Variants in ST3GAL3 observed in about 807,000 individuals in gnomAD.
The protein encoded by ST3GAL3 is ST3 beta-galactoside alpha-2,3-sialyltransferase 3.
ST3GAL3 carries 21 observed loss-of-function variants against 50.1 expected under a neutral mutation model. The observed-to-expected ratio is 0.42, with a 90% confidence interval of 0.30 to 0.60. The LOEUF (loss-of-function observed/expected upper bound fraction) is 0.60. ST3GAL3 is among the 20% of genes least tolerant of loss of function. The pLI is 0.19. For missense variants in ST3GAL3, 353 were observed against 489.4 expected (o/e 0.72, Z 2.63); for synonymous variants, 183 against 190.0 (o/e 0.96, Z 0.30).
chr1:43,719,908 G>A (rs868191782), intron 1 of ST3GAL3, among the ~76,000 whole-genome samples: 2 of 118,388 alleles, frequency 1.7e-5, no homozygotes, highest in Middle Eastern at 7.5e-3. Context: ...ATTCCAGCCT[G>A]AGCAACAGAG....
At chr1:43,925,422 T>C (rs866437491) in intron 11 of ST3GAL3, among the ~76,000 whole-genome samples, 15 of 151,878 alleles carry the variant, frequency 9.9e-5, no homozygotes, top group African/African-American at 2.7e-4. Context: ...ACCTACCTCC[T>C]AGGGTTTGGA....
At position 43,791,322 on chromosome 1, in the gene ST3GAL3, G is replaced by A. The variant is rs566386712; in HGVS notation, c.119-780G>A. ...AGACTGATAGCAGAAAGATCAATAA[G>A]GATAGAGACCATGCTTTTTCTGTTT... On this transcript the variant is annotated intron_variant, in intron 2 of 11. Coordinates refer to ENST00000347631, the MANE Select transcript of ST3GAL3 (RefSeq NM_006279.5). 6.4e-4 allele frequency among the ~76,000 whole-genome samples: 98 copies of A among 152,246 alleles called. 1 individual carries two copies. Among genetic ancestry groups the A allele is most frequent in the African/African-American group, 2.3e-3 (95 of 41,536 alleles).
rs1249489627 is a variant in ST3GAL3 at position 43,817,580 on chromosome 1, C to CT, written c.209+2648dup. Among the ~76,000 whole-genome samples the CT allele has an allele frequency of 8.1e-4, 13 of 16,088 alleles. 2 individuals are homozygous for CT. In the East Asian group the frequency reaches 0.014, roughly 17 times the overall value. The allele number at this position is 16,088 out of a possible 152,430, so 10.6% of individuals were successfully genotyped here. A position where few individuals can be genotyped will look rare whatever the true frequency, so the allele number is the denominator to read the frequency against. On this transcript the variant is annotated intron_variant, in intron 4 of 11. Coordinates refer to ENST00000347631, the MANE Select transcript of ST3GAL3 (RefSeq NM_006279.5). Reference sequence around the variant, plus strand: ...CTCCTTCTTCCTTCTTCTTCTCCTTCTCCTCCTTCTCCTCCTCCCTTCTCC... The same window carrying CT: ...CTCCTTCTTCCTTCTTCTTCTCCTTCTTCCTCCTTCTCCTCCTCCCTTCTCC...
At chr1:43,862,112 TC>T (rs1216366209) in intron 5 of ST3GAL3, among the ~76,000 whole-genome samples, 1 of 151,736 alleles carries the variant, frequency 6.6e-6, no homozygotes, top group East Asian at 1.9e-4. Flanking sequence ...AGCACAGCAG[TC>T]TCTGCTGAGA....
At chr1:43,908,956 T>C (rs551885322) in intron 9 of ST3GAL3, among the ~76,000 whole-genome samples, 10 of 152,164 alleles carry the variant, frequency 6.6e-5, no homozygotes, top group Non-Finnish European at 1.2e-4. Flanking sequence ...GCACCCGCCA[T>C]GTACTCTCCA....
intron 1 of ST3GAL3, chr1:43,716,696 A>T (rs540850765): frequency 6.6e-6 from 1 of 152,334 alleles, no homozygotes; most frequent in South Asian, 2.1e-4. Context: ...CTTCCTGAGG[A>T]GTCTTCCTGA....
chr1:43,767,920 G>A (rs898199996), intron 2 of ST3GAL3, among the ~76,000 whole-genome samples: 3 of 151,820 alleles, frequency 2.0e-5, no homozygotes, highest in Non-Finnish European at 2.9e-5. Context: ...TTTAATGCAT[G>A]TTAGAAAAAT....
intron 2 of ST3GAL3, among the ~76,000 whole-genome samples, chr1:43,752,689 A>T (rs746024697): frequency 5.9e-5 from 9 of 152,000 alleles, no homozygotes; most frequent in Non-Finnish European, 1.0e-4. Flanking sequence ...TTTTTGTAGG[A>T]GTGGGTCTCA....
chr1:43,844,513 CT>C (rs1393775709), intron 5 of ST3GAL3, among the ~76,000 whole-genome samples: 1 of 152,140 alleles, frequency 6.6e-6, no homozygotes, highest in Non-Finnish European at 1.5e-5. Context: ...GGGTCAGAGA[CT>C]AGACTAACTA....
intron 1 of ST3GAL3, among the ~76,000 whole-genome samples, chr1:43,715,379 G>A (rs1666865067): frequency 6.6e-6 from 1 of 152,088 alleles, no homozygotes; most frequent in Non-Finnish European, 1.5e-5. Context: ...TTTGAGACCA[G>A]CCTGGGCAAC....
chr1:43,736,352 A>C lies in ST3GAL3; in HGVS notation c.90A>C (p.Leu30=). The C allele has an allele frequency of 6.2e-7, 1 of 1,614,140 alleles. No individual in the cohort carries two copies. The highest frequency in any genetic ancestry group is 8.5e-7 in the Non-Finnish European group (1 of 1,180,022). Reference sequence around the variant, plus strand: ...TTTTGTATTATTCTGCGTGGAAGCTACACTTACTCCAGTGGGAGGAGGACT... The same window carrying C: ...TTTTGTATTATTCTGCGTGGAAGCTCCACTTACTCCAGTGGGAGGAGGACT... ...LGFLYYSAWK[L]HLLQWEEDSN... The change falls in exon 2 of 12, where the codon CTA becomes CTC. Residue 30 remains leucine (L), a synonymous_variant. Transcript: ENST00000347631.
intron 5 of ST3GAL3, among the ~76,000 whole-genome samples, chr1:43,881,407 A>G (rs1045739935): frequency 1.3e-5 from 2 of 152,260 alleles, no homozygotes; most frequent in Non-Finnish European, 2.9e-5. Flanking sequence ...CTGGTCACCA[A>G]CAGGACCGTG....
intron 5 of ST3GAL3, among the ~76,000 whole-genome samples, chr1:43,846,358 T>G (rs1167789321): frequency 6.6e-6 from 1 of 152,256 alleles, no homozygotes; most frequent in Admixed American, 6.5e-5. Context: ...TTTTTCTTAT[T>G]GATAGTCAAA....
rs11210933 is a variant in ST3GAL3, at chr1:43,865,118, G to A, written c.302+26807G>A. ...TGCAAGCTCCGCCTCCCGGGTTCAC[G>A]CCATTTTCCTGCCTCAGCCTCCTGA... On this transcript the variant is annotated intron_variant, in intron 5 of 11. Coordinates refer to ENST00000347631, the MANE Select transcript of ST3GAL3 (RefSeq NM_006279.5). 8.0e-3 allele frequency among the ~76,000 whole-genome samples: 1,205 copies of A among 151,450 alleles called. 9 individuals carry two copies. The highest frequency in any genetic ancestry group is 0.014 in the African/African-American group (579 of 41,288).
chr1:43,857,678 T>A (rs1569838952), intron 5 of ST3GAL3, among the ~76,000 whole-genome samples: 1 of 150,558 alleles, frequency 6.6e-6, no homozygotes, highest in East Asian at 2.0e-4. Context: ...TGCAATGGTG[T>A]GATTTTGGCT....
chr1:43,817,173 C>T (rs2061341287), intron 4 of ST3GAL3, among the ~76,000 whole-genome samples: 1 of 152,186 alleles, frequency 6.6e-6, no homozygotes, highest in Non-Finnish European at 1.5e-5. Flanking sequence ...TTCTGAATCC[C>T]AATTTTCCTT....
chr1:43,916,421 G>A (rs986941415), intron 9 of ST3GAL3, among the ~76,000 whole-genome samples: 2 of 152,198 alleles, frequency 1.3e-5, no homozygotes, highest in South Asian at 2.1e-4. Context: ...GACTGGAAAG[G>A]TGTAGGAGAA....
Position 43,823,178 on chromosome 1 carries a change from A to G in ST3GAL3, c.209+8245A>G, listed in dbSNP as rs1387823473. ...TTGCTTCTCTGTGGTCTATTTCCAC[A>G]CTGAAGCCAAAGTGATCCCATTAAA... On this transcript the variant is annotated intron_variant, in intron 4 of 11. Coordinates refer to ENST00000347631, the MANE Select transcript of ST3GAL3 (RefSeq NM_006279.5). 3.9e-5 allele frequency among the ~76,000 whole-genome samples: 6 copies of G among 152,012 alleles called. No homozygotes were observed. The South Asian group carries it at 1.0e-3, about 26-fold the overall frequency.
At chr1:43,924,542 T>G (rs1184210229) in intron 11 of ST3GAL3, among the ~76,000 whole-genome samples, 1 of 152,182 alleles carries the variant, frequency 6.6e-6, no homozygotes, top group African/African-American at 2.4e-5. Context: ...TGGGTGAGTT[T>G]GAGGCCTTAC....
Sources: gnomAD v4.1 joint callset for allele counts (sites outside exome capture counted in the v4.1 genomes callset) on GRCh38, gnomAD v4.1.1 for gene constraint, MANE v1.5 for transcripts, NCBI Gene and HGNC (gene_info 2026-07-23, HGNC 2026-07-21) for gene names.